Variants in GLDN observed in about 807,000 individuals in gnomAD.
The protein encoded by GLDN is collomin.
GLDN carries 47 observed loss-of-function variants against 56.5 expected under a neutral mutation model. The observed-to-expected ratio is 0.83, with a 90% CI of 0.66 to 1.06. The LOEUF (loss-of-function observed/expected upper bound fraction) is 1.06. Among genes scored for constraint, GLDN ranks in the 50% least tolerant of loss-of-function variants. The pLI is 0.00. For synonymous variants in GLDN, 332 were observed against 278.8 expected (o/e 1.19, Z -1.90); for missense variants, 782 against 714.3 (o/e 1.09, Z -1.08).
At chr15:51,383,475 A>C (rs1472026911) in intron 3 of GLDN, 22 bp downstream of exon 3, 1 of 1,613,572 alleles carries the variant, frequency 6.2e-7, no homozygotes, top group Admixed American at 1.7e-5. Flanking sequence ...TGGATTTTCT[A>C]GTTCAAGGGG....
rs114363628 is a variant in GLDN at position 51,375,635 on chromosome 15, G to A, written c.364-1814G>A. On this transcript the variant is annotated intron_variant, in intron 1 of 9. Coordinates refer to ENST00000335449, the MANE Select transcript of GLDN (RefSeq NM_181789.4). ...CCTTATTCCCATTGGTTTTGAAAACGTCAGGCTAATGCCATGCTGCAGTGA... is the reference window on the plus strand; with the variant it reads ...CCTTATTCCCATTGGTTTTGAAAACATCAGGCTAATGCCATGCTGCAGTGA... Among the ~76,000 whole-genome samples, 759 of 152,278 alleles carry A rather than the reference G, an allele frequency of 5.0e-3. 7 individuals are homozygous for A. Among genetic ancestry groups the A allele is most frequent in the African/African-American group, 0.017 (714 of 41,542 alleles).
At chr15:51,412,943 C>A (rs35079798), downstream of GLDN, among the ~76,000 whole-genome samples, 1 of 151,904 alleles carries the variant, frequency 6.6e-6, no homozygotes, top group Non-Finnish European at 1.5e-5. Context: ...TGAAGACTCT[C>A]GGTCTGGACA....
rs74013204 is a variant in GLDN, at chr15:51,399,149, G to T, written c.818-1043G>T. 5.1e-3 allele frequency among the ~76,000 whole-genome samples: 773 copies of T among 152,238 alleles called. 9 individuals carry two copies. Among genetic ancestry groups the T allele is most frequent in the African/African-American group, 0.018 (749 of 41,526 alleles). On this transcript the variant is annotated intron_variant, in intron 6 of 9. Coordinates refer to ENST00000335449, the MANE Select transcript of GLDN (RefSeq NM_181789.4). ...CCAGTTGAAACTCCGGGGGCAGCAG[G>T]GTTGCCCATGGGAAGTTGTAACAGA...
At chr15:51,409,931 A>G (rs747169164), downstream of GLDN, among the ~76,000 whole-genome samples, 38 of 152,216 alleles carry the variant, frequency 2.5e-4, no homozygotes, top group Non-Finnish European at 4.6e-4. Context: ...CTATGTCTAG[A>G]GAAATATGCC....
At chr15:51,379,958 C>A (rs550251233) in intron 2 of GLDN, among the ~76,000 whole-genome samples, 1 of 152,228 alleles carries the variant, frequency 6.6e-6, no homozygotes, top group Admixed American at 6.5e-5. Flanking sequence ...AAGTACAGAC[C>A]CTCACAGGCA....
At chr15:51,380,845 G>A (rs1222292337) in intron 2 of GLDN, among the ~76,000 whole-genome samples, 1 of 152,102 alleles carries the variant, frequency 6.6e-6, no homozygotes, top group Non-Finnish European at 1.5e-5. Flanking sequence ...ACCTTTTTAG[G>A]ATCAAGAACC....
At chr15:51,345,053 G>A (rs12441859) in intron 1 of GLDN, among the ~76,000 whole-genome samples, 23,638 of 152,114 alleles carry the variant, frequency 0.16, 2,025 homozygotes, top group South Asian at 0.26. Flanking sequence ...TCTGGTGAGC[G>A]GGGAGAGAGA....
rs1357061958 is a variant in GLDN at position 51,405,380 on chromosome 15, T to TG, written c.*626_*627insG. 1 of 150,224 alleles carries TG rather than the reference T, an allele frequency of 6.7e-6. No homozygotes were observed. 9.3% of individuals were successfully genotyped at this position (150,224 alleles called of 1,614,324 possible). The stretch of plus-strand genomic sequence containing the variant: ...CCAGGGACAGCTACATGTTCAGGTT[T>TG]TTTTTTTTTTTTTTTTTTCAATAAG... On this transcript the variant is annotated 3_prime_UTR_variant, in exon 10 of 10. Transcript: ENST00000335449.
downstream of GLDN, chr15:51,408,162 G>A (rs2038423733): frequency 6.6e-6 from 1 of 152,176 alleles, no homozygotes; most frequent in African/African-American, 2.4e-5. Flanking sequence ...CTGAAAAATT[G>A]TTGATATGGA....
At chr15:51,393,659 A>T (rs1180218852) in intron 4 of GLDN, among the ~76,000 whole-genome samples, 1 of 151,716 alleles carries the variant, frequency 6.6e-6, no homozygotes, top group African/African-American at 2.4e-5. Context: ...TTCTCCCCAA[A>T]CTCTGATTTT....
At chr15:51,410,770 TA>T (rs1234954842), downstream of GLDN, among the ~76,000 whole-genome samples, 1 of 152,206 alleles carries the variant, frequency 6.6e-6, no homozygotes, top group African/African-American at 2.4e-5. Context: ...TGAAATATAC[TA>T]AAAAATGTAT....
intron 2 of GLDN, among the ~76,000 whole-genome samples, chr15:51,380,038 C>T (rs931326012): frequency 5.9e-5 from 9 of 152,206 alleles, no homozygotes; most frequent in Non-Finnish European, 7.4e-5. Flanking sequence ...CACTTGTGCC[C>T]CAGCCCCTAC....
chr15:51,373,615 A>G (rs1172674766), intron 1 of GLDN, among the ~76,000 whole-genome samples: 1 of 152,234 alleles, frequency 6.6e-6, no homozygotes, highest in Non-Finnish European at 1.5e-5. Flanking sequence ...GGCATCAGTG[A>G]AGCTCACCAT....
At chr15:51,375,811 C>T (rs997776499) in intron 1 of GLDN, among the ~76,000 whole-genome samples, 3 of 152,218 alleles carry the variant, frequency 2.0e-5, no homozygotes, top group South Asian at 2.1e-4. Context: ...ATCAGAGTTC[C>T]AAGAGGTTAA....
chr15:51,363,263 T>G (rs1480836872), intron 1 of GLDN, among the ~76,000 whole-genome samples: 1 of 152,218 alleles, frequency 6.6e-6, no homozygotes, highest in African/African-American at 2.4e-5. Context: ...ATCAAGAGTC[T>G]GTCTATTCCT....
chr15:51,397,283 C>G (rs564062001), intron 5 of GLDN, among the ~76,000 whole-genome samples, 187 bp from the exon 6 acceptor site: 2 of 152,130 alleles, frequency 1.3e-5, no homozygotes, highest in African/African-American at 2.4e-5. Context: ...TACTCTCTTC[C>G]CTTCTTCCCA....
chr15:51,382,648 C>G (rs7162857), intron 2 of GLDN, among the ~76,000 whole-genome samples: 15,145 of 150,482 alleles, frequency 0.1, 1,547 homozygotes, highest in African/African-American at 0.26. Context: ...ATGGCATGAA[C>G]CCAGGAGGCG....
intron 9 of GLDN, 80 bp from the exon 10 acceptor site, chr15:51,404,197 G>A (rs907244998): frequency 8.8e-7 from 1 of 1,138,784 alleles, no homozygotes; most frequent in South Asian, 1.5e-5. Context: ...CACTAACTCA[G>A]TTTAATAGAG....
At chr15:51,408,638 A>T (rs780192184), downstream of GLDN, among the ~76,000 whole-genome samples, 2 of 151,902 alleles carry the variant, frequency 1.3e-5, no homozygotes, top group Non-Finnish European at 2.9e-5. Context: ...GCACCCACCA[A>T]CTCGTCATTT....
Sources: gnomAD v4.1 joint callset for allele counts (sites outside exome capture counted in the v4.1 genomes callset) on GRCh38, gnomAD v4.1.1 for gene constraint, MANE v1.5 for transcripts, NCBI Gene and HGNC (gene_info 2026-07-23, HGNC 2026-07-21) for gene names.